CAPN15: variants seen among roughly 807,000 people sequenced by gnomAD.
The protein encoded by CAPN15 is calpain-15.
A neutral mutation model predicts 97.9 loss-of-function variants in CAPN15; 53 were observed. The ratio of observed to expected loss-of-function variants is 0.54; its 90% CI spans 0.43 to 0.68. CAPN15 has a LOEUF of 0.68. Among genes scored for constraint, CAPN15 ranks in the 30% least tolerant of loss-of-function variants. The pLI is 0.00. For missense variants in CAPN15, 1,592 were observed against 1,589.8 expected (o/e 1.00, Z -0.02); for synonymous variants, 922 against 722.5 (o/e 1.28, Z -4.43).
In CAPN15 at chr16:553,743, CGAACCAGGCGGGCTGT is replaced by C. The variant is rs2035273072; in HGVS notation, c.*235_*250del. The C allele has an allele frequency of 2.3e-6, 1 of 440,526 alleles. No individual in the cohort carries two copies. The highest frequency in any genetic ancestry group is 2.0e-5 in the African/African-American group (1 of 49,614). 27.3% of individuals were successfully genotyped at this position (440,526 alleles called of 1,614,324 possible). On this transcript the variant is annotated 3_prime_UTR_variant, in exon 14 of 14. Coordinates refer to ENST00000219611, the MANE Select transcript of CAPN15 (RefSeq NM_005632.3). ...CTCCTGGCCGCCACGCAGAATACCT[CGAACCAGGCGGGCTGT>C]GAACCAGCCCCGCTCACCTGCCAGC...
At chr16:534,178 T>C (rs1596320943) in intron 2 of CAPN15, among the ~76,000 whole-genome samples, 180 bp downstream of exon 2, 1 of 66,486 alleles carries the variant, frequency 1.5e-5, no homozygotes, top group Non-Finnish European at 2.5e-5. Context: ...CCCAGCCGTT[T>C]GGGCCGTGGT....
At chr16:548,316 T>G in intron 4 of CAPN15, 29 bp downstream of exon 4, 7 of 1,439,178 alleles carry the variant, frequency 4.9e-6, no homozygotes, top group Non-Finnish European at 6.4e-6. Flanking sequence ...CTCTTCCTGC[T>G]CCTGAGCCTC....
Position 551,646 on chromosome 16 carries a change from A to AC in CAPN15, c.2327_2328insC (p.Glu776AspfsTer16). The AC allele has an allele frequency of 6.3e-7, 1 of 1,595,674 alleles. No homozygotes were observed. The highest frequency in any genetic ancestry group is 8.5e-7 in the Non-Finnish European group (1 of 1,173,966). ...AGCAGTGAGGGTGTCTTCTGGATGGAGTACGGCGACTTTGTCAGGTATCGG... is the reference window on the plus strand; with the variant it reads ...AGCAGTGAGGGTGTCTTCTGGATGGACGTACGGCGACTTTGTCAGGTATCGG... On this transcript the variant is annotated frameshift_variant, in exon 9 of 14. Coordinates refer to ENST00000219611, the MANE Select transcript of CAPN15 (RefSeq NM_005632.3). LOFTEE classifies it high-confidence loss of function.
intron 4 of CAPN15, among the ~76,000 whole-genome samples, chr16:548,570 G>A (rs909250124): frequency 2.0e-5 from 3 of 152,252 alleles, no homozygotes; most frequent in Admixed American, 6.5e-5. Context: ...CTGATGTGCC[G>A]CAGGAGGCGA....
rs2034741969 is a variant in CAPN15 at position 548,277 on chromosome 16, T to C, written c.1439T>C (p.Phe480Ser). ...GCACTCTGGGAGAACATCGTGGCCT[T>C]CTGCCGGGAGGTGAGGCGCCCCCTC... ...AKALWENIVA[F>S]CRENNVSFVD... The change falls in exon 4 of 14, where the codon TTC (phenylalanine) becomes TCC (serine). Residue 480 changes from phenylalanine to serine, a missense_variant. Phe to Ser is a radical substitution (Grantham distance 155). Transcript: ENST00000219611. The C allele has an allele frequency of 2.0e-6, 3 of 1,511,700 alleles. No individual in the cohort carries two copies. The highest frequency in any genetic ancestry group is 2.7e-6 in the Non-Finnish European group (3 of 1,131,718). The allele number at this position is 1,511,700 out of a possible 1,614,324, so 93.6% of individuals were successfully genotyped here.
chr16:552,577 G>C lies in CAPN15; in HGVS notation c.2738-28G>C. 1 of 1,558,392 alleles carries C rather than the reference G, an allele frequency of 6.4e-7. No individual in the cohort carries two copies. Among genetic ancestry groups the C allele is most frequent in the Non-Finnish European group, 8.7e-7 (1 of 1,155,528 alleles). On this transcript the variant is annotated intron_variant, in intron 11 of 13. Coordinates refer to ENST00000219611, the MANE Select transcript of CAPN15 (RefSeq NM_005632.3). The surrounding 1 kb of genome is among the most constrained non-coding windows in gnomAD (Gnocchi z 6.4). ...CTCATGCCCCAGGCCCACGGGGAGG[G>C]CTGCGGTTCACACGCCCGTCCTTGT...
intron 3 of CAPN15, among the ~76,000 whole-genome samples, chr16:540,759 G>A (rs528023286): frequency 3.1e-4 from 47 of 152,280 alleles, no homozygotes; most frequent in African/African-American, 9.4e-4. Context: ...CTGCCCCCCC[G>A]GGGGTCACAG....
chr16:534,102 C>T (rs1041708469), intron 2 of CAPN15, 104 bp downstream of exon 2: 14 of 335,740 alleles, frequency 4.2e-5, no homozygotes, highest in Admixed American at 3.0e-4. Flanking sequence ...GGGGGCCTCT[C>T]GGAGCCCTTG....
chr16:540,184 G>C (rs1450162535), intron 3 of CAPN15: 28 of 985,464 alleles, frequency 2.8e-5, no homozygotes, highest in Non-Finnish European at 3.4e-5. Context: ...CGCCGGCCGG[G>C]GGGCCATGGG....
chr16:537,045 C>A, intron 3 of CAPN15: 1 of 680,058 alleles, frequency 1.5e-6, no homozygotes. Flanking sequence ...TCTGGAGATC[C>A]CCTGGCGTGT....
chr16:552,475 G>A lies in CAPN15; in HGVS notation c.2682G>A (p.Val894=), dbSNP rs961214260. 28 of 1,608,932 alleles carry A rather than the reference G, an allele frequency of 1.7e-5. No individual in the cohort carries two copies. The highest frequency in any genetic ancestry group is 2.3e-5 in the Non-Finnish European group (27 of 1,179,610). ...TGGAGCCTGGCGAGTACGCTGTGGTGTGCTGCGCCTTCAACCACTGGGGGC... is the reference window on the plus strand; with the variant it reads ...TGGAGCCTGGCGAGTACGCTGTGGTATGCTGCGCCTTCAACCACTGGGGGC... ...VMLEPGEYAV[V]CCAFNHWGPP... Residue 894 remains valine, a synonymous_variant, in exon 11 of 14, where the codon GTG becomes GTA. Coordinates refer to ENST00000219611, the MANE Select transcript of CAPN15 (RefSeq NM_005632.3). This position sits in a 1 kb window ranked among gnomAD's most constrained non-coding sequence, Gnocchi z 6.4.
In CAPN15 at chr16:548,912, T is replaced by C; in HGVS notation, c.1450-81T>C. The C allele has an allele frequency of 2.3e-6, 3 of 1,326,264 alleles. No individual in the cohort carries two copies. In the South Asian group the frequency reaches 3.6e-5, roughly 16 times the overall value. 82.2% of individuals were successfully genotyped at this position (1,326,264 alleles called of 1,614,324 possible). A position where few individuals can be genotyped will look rare whatever the true frequency, so the allele number is the denominator to read the frequency against. On this transcript the variant is annotated intron_variant, in intron 4 of 13. Transcript: ENST00000219611. ...GGGCTCAGGCAGTGCTTTTGGGCGC[T>C]CTCCTGGGTGGGGTCTTGTCCCTGC...
chr16:551,653 C>A lies in CAPN15; in HGVS notation c.2334C>A (p.Gly778=). The change falls in exon 9 of 14, where the codon GGC becomes GGA. Residue 778 remains glycine (G), a synonymous_variant. Coordinates refer to ENST00000219611, the MANE Select transcript of CAPN15 (RefSeq NM_005632.3). ...SSEGVFWMEY[G]DFVRYFDSVD... Reference sequence around the variant, plus strand: ...AGGGTGTCTTCTGGATGGAGTACGGCGACTTTGTCAGGTATCGGCACCGTG... The same window carrying A: ...AGGGTGTCTTCTGGATGGAGTACGGAGACTTTGTCAGGTATCGGCACCGTG... 1 of 1,592,824 alleles carries A rather than the reference C, an allele frequency of 6.3e-7. No individual in the cohort carries two copies. Among genetic ancestry groups the A allele is most frequent in the Non-Finnish European group, 8.5e-7 (1 of 1,172,270 alleles).
intron 3 of CAPN15, among the ~76,000 whole-genome samples, chr16:544,084 C>T (rs2034357044): frequency 1.3e-5 from 2 of 152,154 alleles, no homozygotes; most frequent in Non-Finnish European, 2.9e-5. Flanking sequence ...ACCGGCGGCT[C>T]AGCACAGAGA....
intron 3 of CAPN15, among the ~76,000 whole-genome samples, chr16:544,358 CAG>C (rs1026891739): frequency 2.6e-5 from 4 of 152,034 alleles, no homozygotes; most frequent in Non-Finnish European, 5.9e-5. Context: ...GGTGTGGCCT[CAG>C]GGCTCTGGTG....
rs866367296 is a variant in CAPN15 at position 541,193 on chromosome 16, G to T, written c.-23+5051G>T. Among the ~76,000 whole-genome samples, 4 of 152,366 alleles carry T rather than the reference G, an allele frequency of 2.6e-5. No homozygotes were observed. In the Middle Eastern group the frequency reaches 0.01, roughly 389 times the overall value. ...CGTGGAGCTGCAGGCAGTGGGCAAG[G>T]CCATGGCAGGTGGCCAGGCCTGGGA... On this transcript the variant is annotated intron_variant, in intron 3 of 13. Coordinates refer to ENST00000219611, the MANE Select transcript of CAPN15 (RefSeq NM_005632.3).
Position 549,701 on chromosome 16 carries a change from C to T in CAPN15, c.1929C>T (p.Arg643=), listed in dbSNP as rs768137708. Residue 643 remains arginine, a synonymous_variant, in exon 7 of 14, where the codon CGC becomes CGT. Transcript: ENST00000219611. ...CCTACTTTGCGCTCCAGGCGGGCCG[C>T]GCCATCGAAGGCCTGGCCACGCTCA... The part of the protein sequence containing the change: ...HGSYFALQAG[R]AIEGLATLTG... 65 of 1,564,500 alleles carry T rather than the reference C, an allele frequency of 4.2e-5. No homozygotes were observed. Among genetic ancestry groups the T allele is most frequent in the Admixed American group, 1.1e-4 (6 of 54,512 alleles).
At chr16:549,242 G>GGGGGGGGGGGCC in intron 5 of CAPN15, 41 bp downstream of exon 5, 1 of 298,894 alleles carries the variant, frequency 3.3e-6, no homozygotes, top group South Asian at 2.4e-5. Flanking sequence ...GGGTGGGCGG[G>GGGGGGGGGGGCC]CGACCGGCCG....
chr16:548,138 G>A lies in CAPN15; in HGVS notation c.1300G>A (p.Ala434Thr), dbSNP rs765231833. The A allele has an allele frequency of 5.1e-5, 78 of 1,529,186 alleles. No homozygotes were observed. Among genetic ancestry groups the A allele is most frequent in the Non-Finnish European group, 6.5e-5 (74 of 1,139,022 alleles). 94.7% of individuals were successfully genotyped at this position (1,529,186 alleles called of 1,614,324 possible). Residue 434 changes from alanine (A) to threonine (T), a missense_variant, in exon 4 of 14, where the codon GCC (alanine) becomes ACC (threonine). Transcript: ENST00000219611. ...LNALRAKHCA[A>T]CHTPQLLVAQ... is the part of the protein sequence containing the mutation. Reference sequence around the variant, plus strand: ...CGCACTGCGGGCCAAGCACTGCGCCGCCTGCCACACGCCTCAGCTCCTGGT... The same window carrying A: ...CGCACTGCGGGCCAAGCACTGCGCCACCTGCCACACGCCTCAGCTCCTGGT...
Sources: gnomAD v4.1 joint callset for allele counts (sites outside exome capture counted in the v4.1 genomes callset) on GRCh38, gnomAD v4.1.1 for gene constraint, Gnocchi (gnomAD v3.1) non-coding constraint, MANE v1.5 for transcripts, NCBI Gene and HGNC (gene_info 2026-07-23, HGNC 2026-07-21) for gene names.